The following DNAH2 variants were observed in gnomAD, a reference collection of about 807,000 sequenced individuals.
DNAH2 encodes axonemal beta dynein heavy chain 2.
In DNAH2, 323 loss-of-function variants were observed where a neutral mutation model predicts 523.5. The observed-to-expected ratio is 0.62, with a 90% confidence interval of 0.56 to 0.68. DNAH2 has a LOEUF of 0.68. DNAH2 is among the 30% of genes least tolerant of loss of function. DNAH2 has a pLI of 0.00. For missense variants in DNAH2, 4,907 were observed against 5,701.5 expected, an observed-to-expected ratio of 0.86 and a Z score of 4.49; for synonymous variants, 2,093 against 2,177.4, an observed-to-expected ratio of 0.96 and a Z score of 1.08.
At chr17:7,788,475 G>A (rs1341201985) in intron 44 of DNAH2, among the ~76,000 whole-genome samples, 1 of 152,170 alleles carries the variant, frequency 6.6e-6, no homozygotes, top group Non-Finnish European at 1.5e-5. Context: ...GTTCTGAATT[G>A]AATATGTACA....
rs2078076201 is a variant in DNAH2, at chr17:7,828,315, G to A, written c.11854-1985G>A. ...CCTTATTCTTCTTCAGGCTATTCTTGACCTTTTATTCTTCAATATAAATTT... is the reference window on the plus strand; with the variant it reads ...CCTTATTCTTCTTCAGGCTATTCTTAACCTTTTATTCTTCAATATAAATTT... On this transcript the variant is annotated intron_variant, in intron 77 of 85. Coordinates refer to ENST00000572933, the MANE Select transcript of DNAH2 (RefSeq NM_020877.5). This position sits in a 1 kb window ranked among gnomAD's most constrained non-coding sequence, Gnocchi z 4.1. Among the ~76,000 whole-genome samples the A allele has an allele frequency of 2.0e-5, 3 of 151,982 alleles. No homozygotes were observed. The South Asian group carries it at 6.2e-4, about 31-fold the overall frequency.
intron 1 of DNAH2, 78 bp downstream of exon 1, chr17:7,718,877 T>C (rs1486092666): frequency 1.3e-5 from 2 of 152,626 alleles, no homozygotes; most frequent in African/African-American, 4.8e-5. Context: ...TCCATTTAAC[T>C]TGGGAGGAAA....
At chr17:7,820,668 T>C (rs1247372725) in intron 72 of DNAH2, among the ~76,000 whole-genome samples, 1 of 152,208 alleles carries the variant, frequency 6.6e-6, no homozygotes, top group Non-Finnish European at 1.5e-5. Context: ...CTTTGTGTCT[T>C]CAGGACCTAG....
chr17:7,735,279 C>T (rs906014158), intron 7 of DNAH2, among the ~76,000 whole-genome samples: 17 of 151,846 alleles, frequency 1.1e-4, no homozygotes, highest in Admixed American at 2.6e-4. Flanking sequence ...TACAGGTGCC[C>T]GCCACCAAGC....
At chr17:7,819,137 C>T in intron 71 of DNAH2, 72 bp from the exon 72 acceptor site, 1 of 1,603,936 alleles carries the variant, frequency 6.2e-7, no homozygotes, top group Non-Finnish European at 8.5e-7. Context: ...GGCTCGAGAC[C>T]CCTCCTTCCC....
chr17:7,824,201 G>A lies in DNAH2; in HGVS notation c.11559G>A (p.Gln3853=), dbSNP rs1216330007. Reference sequence around the variant, plus strand: ...TGGACCCCACCAGTGCCCTGCTGCAGCTGGCAGAGCACATGGGCATGGCCC... The same window carrying A: ...TGGACCCCACCAGTGCCCTGCTGCAACTGGCAGAGCACATGGGCATGGCCC... ...PGVDPTSALL[Q]LAEHMGMAQR... Residue 3853 remains glutamine, a synonymous_variant, in exon 76 of 86, where the codon CAG becomes CAA. Coordinates refer to ENST00000572933, the MANE Select transcript of DNAH2 (RefSeq NM_020877.5). The A allele has an allele frequency of 3.1e-6, 5 of 1,606,502 alleles. No homozygotes were observed. Among genetic ancestry groups the A allele is most frequent in the African/African-American group, 1.3e-5 (1 of 74,790 alleles).
chr17:7,722,031 C>T (rs1246360492), intron 2 of DNAH2, among the ~76,000 whole-genome samples: 4 of 152,162 alleles, frequency 2.6e-5, no homozygotes, highest in Non-Finnish European at 5.9e-5. Flanking sequence ...CAGAATCTTG[C>T]CCTGTCACCC....
intron 2 of DNAH2, among the ~76,000 whole-genome samples, chr17:7,722,839 C>T (rs1264980744): frequency 6.6e-6 from 1 of 152,024 alleles, no homozygotes; most frequent in Non-Finnish European, 1.5e-5. Flanking sequence ...AATGCTGCTA[C>T]GAATGCTGTA....
intron 12 of DNAH2, among the ~76,000 whole-genome samples, chr17:7,752,393 T>C (rs2075710288): frequency 6.6e-6 from 1 of 152,130 alleles, no homozygotes; most frequent in African/African-American, 2.4e-5. Flanking sequence ...ATGAAACTTG[T>C]CATAGACAGA....
chr17:7,825,411 G>C (rs1052435281), intron 77 of DNAH2, among the ~76,000 whole-genome samples: 3 of 152,204 alleles, frequency 2.0e-5, no homozygotes, highest in African/African-American at 7.2e-5. Flanking sequence ...ACAGATAAGA[G>C]CTGTTTGAAT....
intron 32 of DNAH2, 107 bp from the exon 33 acceptor site, chr17:7,777,339 G>A: frequency 8.2e-7 from 1 of 1,215,024 alleles, no homozygotes; most frequent in Non-Finnish European, 1.2e-6. Flanking sequence ...AGTTACAGCA[G>A]GTGGGGTCAG....
intron 8 of DNAH2, among the ~76,000 whole-genome samples, chr17:7,737,520 G>T (rs1365593988): frequency 6.6e-6 from 1 of 152,228 alleles, no homozygotes; most frequent in Admixed American, 6.5e-5. Context: ...GTTGGTGGAA[G>T]ACGGGGAAGC....
At position 7,754,857 on chromosome 17, in the gene DNAH2, T is replaced by C. The variant is rs115340857; in HGVS notation, c.1905-2234T>C. 2,154 of 655,990 alleles carry C rather than the reference T, an allele frequency of 3.3e-3. 27 individuals are homozygous for C. In the African/African-American group the frequency reaches 0.035, roughly 11 times the overall value. The allele number at this position is 655,990 out of a possible 1,614,324, so 40.6% of individuals were successfully genotyped here. Reference sequence around the variant, plus strand: ...CCCTACAAAGACTTCAGAGTAGATATCTCTGTCTGCCAACGTGAGGACAGA... The same window carrying C: ...CCCTACAAAGACTTCAGAGTAGATACCTCTGTCTGCCAACGTGAGGACAGA... On this transcript the variant is annotated intron_variant, in intron 12 of 85. Transcript: ENST00000572933. This position sits in a 1 kb window ranked among gnomAD's most constrained non-coding sequence, Gnocchi z 4.6.
intron 61 of DNAH2, among the ~76,000 whole-genome samples, chr17:7,805,866 A>T (rs557530597): frequency 6.6e-6 from 1 of 152,148 alleles, no homozygotes; most frequent in African/African-American, 2.4e-5. Flanking sequence ...AAGAAAAAAA[A>T]AGATTATTTA....
chr17:7,723,957 A>C (rs1033707556), intron 3 of DNAH2, among the ~76,000 whole-genome samples: 1 of 152,194 alleles, frequency 6.6e-6, no homozygotes, highest in African/African-American at 2.4e-5. Context: ...CTTATTCATC[A>C]TGCGGGTGAA....
intron 12 of DNAH2, chr17:7,743,638 C>A (rs1299263187): frequency 2.4e-6 from 1 of 412,674 alleles, no homozygotes; most frequent in South Asian, 3.4e-5. Flanking sequence ...TACACTCCAG[C>A]CTGGGCGACA....
Position 7,807,258 on chromosome 17 carries a change from A to T in DNAH2, c.9551A>T (p.Asp3184Val). ...AYCAQPDFQPDIIGRVSLAAK... is the reference protein window; with the variant it reads ...AYCAQPDFQPVIIGRVSLAAK... ...TGCGCCCAGCCTGACTTCCAGCCTG[A>T]TATCATCGGCCGCGTCTCCCTGGCT... Residue 3184 changes from aspartate (D) to valine (V), a missense_variant, in exon 62 of 86, where the codon GAT becomes GTT. Asp to Val is a radical substitution (Grantham distance 152). Around this residue, in one of 3 missense-constraint regions of DNAH2, gnomAD observed 1,851 missense variants for 2,139.4 expected, o/e 0.87. Transcript: ENST00000572933. This position sits in a 1 kb window ranked among gnomAD's most constrained non-coding sequence, Gnocchi z 5.6. The T allele has an allele frequency of 1.2e-6, 2 of 1,613,978 alleles. No homozygotes were observed. The highest frequency in any genetic ancestry group is 1.7e-6 in the Non-Finnish European group (2 of 1,180,040).
At position 7,780,907 on chromosome 17, in the gene DNAH2, C is replaced by T. The variant is rs948270391; in HGVS notation, c.6003+125C>T. The T allele has an allele frequency of 2.5e-6, 4 of 1,576,494 alleles. No individual in the cohort carries two copies. The highest frequency in any genetic ancestry group is 1.7e-5 in the Admixed American group (1 of 59,102). ...TTCTCACCTTCCCACCTCGTCCCATCCCCGTGTTGCCCGCTGCTTTGCTAA... is the reference window on the plus strand; with the variant it reads ...TTCTCACCTTCCCACCTCGTCCCATTCCCGTGTTGCCCGCTGCTTTGCTAA... On this transcript the variant is annotated intron_variant, in intron 38 of 85. Transcript: ENST00000572933. This position sits in a 1 kb window ranked among gnomAD's most constrained non-coding sequence, Gnocchi z 4.4.
chr17:7,752,492 C>T (rs887603135), intron 12 of DNAH2, among the ~76,000 whole-genome samples: 34 of 152,172 alleles, frequency 2.2e-4, no homozygotes, highest in African/African-American at 6.0e-4. Context: ...GGGCGGATCA[C>T]GAGGTCAGGA....
Sources: gnomAD v4.1 joint callset for allele counts (sites outside exome capture counted in the v4.1 genomes callset) on GRCh38, gnomAD v4.1.1 for gene constraint, gnomAD v4.1.1 regional missense constraint, Gnocchi (gnomAD v3.1) non-coding constraint, MANE v1.5 for transcripts, NCBI Gene and HGNC (gene_info 2026-07-23, HGNC 2026-07-21) for gene names.